The following DEFB112 variants were observed in gnomAD, a reference collection of about 807,000 sequenced individuals.
DEFB112 encodes the protein defensin beta 112.
A neutral mutation model predicts 1.1 loss-of-function variants in DEFB112; 2 were observed. The ratio of observed to expected loss-of-function variants is 1.85; its 90% CI spans 0.76 to 5.83. The LOEUF is 5.83. Among genes scored for constraint, DEFB112 ranks in the 30% most tolerant of loss-of-function variants. DEFB112 has a pLI of 0.05. For missense variants in DEFB112, 120 were observed against 94.4 expected, an observed-to-expected ratio of 1.27 and a Z score of -1.12; for synonymous variants, 40 against 31.2, an observed-to-expected ratio of 1.28 and a Z score of -0.93.
rs1012164398 is a variant in DEFB112 at position 50,043,770 on chromosome 6, A to G, written c.90T>C (p.Ser30=). 2 of 1,613,290 alleles carry G rather than the reference A, an allele frequency of 1.2e-6. No homozygotes were observed. Among genetic ancestry groups the G allele is most frequent in the African/African-American group, 2.7e-5 (2 of 74,886 alleles). Residue 30 remains serine, a synonymous_variant, in exon 2 of 2, where the codon AGT becomes AGC. Coordinates refer to ENST00000651554, the MANE Select transcript of DEFB112 (RefSeq NM_001369057.2). ...ARSEGHHITF[S]RWKSCTAIGG... ...CAATCGCTGTACATGACTTCCACCT[A>G]CTAAAGGTGATATGGTGCCCTTCAC...
rs1774897945 is a variant in DEFB112 at position 50,049,928 on chromosome 6, T to A, written c.-59A>T. Among the ~76,000 whole-genome samples, 1 of 152,052 alleles carries A rather than the reference T, an allele frequency of 6.6e-6. No individual in the cohort carries two copies. The highest frequency in any genetic ancestry group is 1.5e-5 in the Non-Finnish European group (1 of 67,982). ...GATCATCTGTCTGACTCAGCTGTTG[T>A]TGAAACAAGAAAAAAAAACCCTTAC... is the stretch of plus-strand genomic sequence containing the variant. On this transcript the variant is annotated 5_prime_UTR_variant, in exon 1 of 2. Coordinates refer to ENST00000651554, the MANE Select transcript of DEFB112 (RefSeq NM_001369057.2).
At chr6:50,048,590 G>A (rs780624440) in intron 1 of DEFB112, 17 of 1,613,404 alleles carry the variant, frequency 1.1e-5, no homozygotes, top group African/African-American at 6.7e-5. Flanking sequence ...TGTGGAAGAT[G>A]TATTTGTCTT....
chr6:50,044,404 A>G (rs1270680308), intron 1 of DEFB112, among the ~76,000 whole-genome samples: 1 of 152,108 alleles, frequency 6.6e-6, no homozygotes, highest in East Asian at 1.9e-4. Context: ...CAAGGCTCAT[A>G]ATTTTCTAGT....
chr6:50,043,650 A>G lies in DEFB112; in HGVS notation c.210T>C (p.Pro70=). The change falls in exon 2 of 2, where the codon CCT becomes CCC. Residue 70 remains proline, a synonymous_variant. Transcript: ENST00000651554. ...TTHCCVTECD[P]TDPNNWIPKD... is the part of the protein sequence containing the mutation. ...TTGGGATCCAATTATTTGGGTCCGT[A>G]GGGTCACATTCTGTCACGCAGCAAT... 1 of 1,613,570 alleles carries G rather than the reference A, an allele frequency of 6.2e-7. No individual in the cohort carries two copies. Among genetic ancestry groups the G allele is most frequent in the Non-Finnish European group, 8.5e-7 (1 of 1,179,626 alleles).
At position 50,043,795 on chromosome 6, in the gene DEFB112, C is replaced by T; in HGVS notation, c.65G>A (p.Ser22Asn). The change falls in exon 2 of 2, where the codon AGT becomes AAT. Residue 22 changes from serine to asparagine, a missense_variant. By Grantham distance (46) the Ser-to-Asn change is conservative (BLOSUM62 1). Coordinates refer to ENST00000651554, the MANE Select transcript of DEFB112 (RefSeq NM_001369057.2). ...ACTAAAGGTGATATGGTGCCCTTCACTTCTGGCTGAAAGAAGGCAAGAACA... is the reference window on the plus strand; with the variant it reads ...ACTAAAGGTGATATGGTGCCCTTCATTTCTGGCTGAAAGAAGGCAAGAACA... ...FFGVLIPPAR[S>N]EGHHITFSRW... 6.2e-7 allele frequency: 1 copy of T among 1,613,158 alleles called. No homozygotes were observed. The highest frequency in any genetic ancestry group is 1.1e-5 in the South Asian group (1 of 91,042).
intron 1 of DEFB112, among the ~76,000 whole-genome samples, chr6:50,047,036 G>T (rs1774846648): frequency 6.6e-6 from 1 of 152,178 alleles, no homozygotes; most frequent in African/African-American, 2.4e-5. Flanking sequence ...AAACCTGGGG[G>T]TCAGCTTGGT....
chr6:50,048,671 T>G (rs73739915), intron 1 of DEFB112: 22,970 of 1,565,246 alleles, frequency 0.015, 381 homozygotes, highest in African/African-American at 0.067. Flanking sequence ...AAGAGGTTGT[T>G]AAGAGCTCAC....
chr6:50,048,657 T>C (rs1179491190), intron 1 of DEFB112: 1 of 1,598,410 alleles, frequency 6.3e-7, no homozygotes, highest in Admixed American at 1.7e-5. Flanking sequence ...TTCATAAGAG[T>C]GCTAAGAGGT....
chr6:50,049,615 T>A (rs1026798548), intron 1 of DEFB112, among the ~76,000 whole-genome samples, 197 bp downstream of exon 1: 6 of 152,152 alleles, frequency 3.9e-5, no homozygotes, highest in Non-Finnish European at 8.8e-5. Context: ...GTAATTAAGG[T>A]GAATTACAGC....
chr6:50,043,691 C>T lies in DEFB112; in HGVS notation c.169G>A (p.Ala57Thr), dbSNP rs745709729. The T allele has an allele frequency of 3.1e-6, 5 of 1,613,546 alleles. No homozygotes were observed. The highest frequency in any genetic ancestry group is 4.2e-6 in the Non-Finnish European group (5 of 1,179,612). The change falls in exon 2 of 2, where the codon GCA (alanine) becomes ACA (threonine). Residue 57 changes from alanine (A) to threonine (T), a missense_variant. By Grantham distance (58) the Ala-to-Thr change is moderately conservative (BLOSUM62 0). Coordinates refer to ENST00000651554, the MANE Select transcript of DEFB112 (RefSeq NM_001369057.2). ...ACGCAGCAATGAGTTGTAGGTCTTG[C>T]ACAGTATGAAATCCTAAATTCACTA... ...DDSEFRISYCARPTTHCCVTE... is the reference protein window; with the variant it reads ...DDSEFRISYCTRPTTHCCVTE...
In DEFB112 at chr6:50,043,585, G is replaced by C. The variant is rs1774781501; in HGVS notation, c.275C>G (p.Ser92Ter). ...TGTGCATGGATTTCTTCAATGACGT[G>C]AGTCTTTAGGGTACCATTCTTGAGT... ...VGTQEWYPKD[S>*]RH The change falls in exon 2 of 2, where the codon TCA becomes TGA. Residue 92 changes from serine to a stop codon, truncating the protein, a stop_gained. Transcript: ENST00000651554. LOFTEE classifies it high-confidence loss of function. 1.2e-6 allele frequency: 2 copies of C among 1,612,338 alleles called. No homozygotes were observed. The highest frequency in any genetic ancestry group is 2.2e-5 in the South Asian group (2 of 90,994).
intron 1 of DEFB112, among the ~76,000 whole-genome samples, chr6:50,049,089 C>A (rs1327853323): frequency 6.6e-6 from 1 of 151,912 alleles, no homozygotes; most frequent in Admixed American, 6.6e-5. Context: ...TAAATTAACT[C>A]CCTTGTTGGT....
At chr6:50,048,505 T>TG in intron 1 of DEFB112, 1 of 1,547,052 alleles carries the variant, frequency 6.5e-7, no homozygotes, top group African/African-American at 1.4e-5. Flanking sequence ...GATTAAAATG[T>TG]GCAAGACACA....
chr6:50,047,537 G>T (rs10214607), intron 1 of DEFB112, among the ~76,000 whole-genome samples: 2,246 of 152,160 alleles, frequency 0.015, 57 homozygotes, highest in African/African-American at 0.052. Context: ...CTCTCACCTG[G>T]TTTCCTTAGC....
chr6:50,049,647 G>A (rs1200617936), intron 1 of DEFB112, among the ~76,000 whole-genome samples, 165 bp downstream of exon 1: 4 of 151,920 alleles, frequency 2.6e-5, no homozygotes, highest in Non-Finnish European at 5.9e-5. Flanking sequence ...TGCTGTGCTT[G>A]AAAAATTATT....
chr6:50,045,868 TC>T (rs1395568744), intron 1 of DEFB112, among the ~76,000 whole-genome samples: 1 of 152,136 alleles, frequency 6.6e-6, no homozygotes, highest in Non-Finnish European at 1.5e-5. Flanking sequence ...ATACTGATAG[TC>T]CCCGAATTAC....
In DEFB112 at chr6:50,043,644, G is replaced by A. The variant is rs770861694; in HGVS notation, c.216C>T (p.Asp72=). The change falls in exon 2 of 2, where the codon GAC becomes GAT. Residue 72 remains aspartate, a synonymous_variant. Transcript: ENST00000651554. The part of the protein sequence containing the change: ...HCCVTECDPT[D]PNNWIPKDSV... ...AGTCCTTTGGGATCCAATTATTTGG[G>A]TCCGTAGGGTCACATTCTGTCACGC... The A allele has an allele frequency of 1.2e-6, 2 of 1,613,478 alleles. No homozygotes were observed. The highest frequency in any genetic ancestry group is 1.1e-5 in the South Asian group (1 of 91,066).
At chr6:50,048,676 G>A (rs773081528) in intron 1 of DEFB112, 11 of 1,546,102 alleles carry the variant, frequency 7.1e-6, no homozygotes, top group South Asian at 1.1e-5. Flanking sequence ...GTTGTTAAGA[G>A]CTCACTGTAA....
At chr6:50,045,034 A>C (rs1774809527) in intron 1 of DEFB112, among the ~76,000 whole-genome samples, 1 of 152,074 alleles carries the variant, frequency 6.6e-6, no homozygotes, top group South Asian at 2.1e-4. Context: ...CTGGATTTGC[A>C]GTGATGTGTA....
Sources: allele counts gnomAD v4.1 joint callset (sites outside exome capture counted in the v4.1 genomes callset), GRCh38; gene constraint gnomAD v4.1.1; transcripts MANE v1.5; gene names NCBI Gene and HGNC (gene_info 2026-07-23, HGNC 2026-07-21).